Variants in HS3ST5 observed in about 807,000 individuals in gnomAD.
HS3ST5 encodes the protein heparan sulfate-glucosamine 3-sulfotransferase 5.
Under a neutral mutation model 25.4 loss-of-function variants are expected in HS3ST5, and 10 were observed. That is an observed-to-expected ratio of 0.39 (90% CI 0.24 to 0.67). The LOEUF (loss-of-function observed/expected upper bound fraction) is 0.67. Among genes scored for constraint, HS3ST5 ranks in the 30% least tolerant of loss-of-function variants. HS3ST5 has a pLI of 0.44. For missense variants in HS3ST5, 324 were observed against 420.7 expected (o/e 0.77, Z 2.01); for synonymous variants, 170 against 162.4 (o/e 1.05, Z -0.36).
At chr6:114,211,734 T>C (rs1338968705) in intron 2 of HS3ST5, among the ~76,000 whole-genome samples, 1 of 152,210 alleles carries the variant, frequency 6.6e-6, no homozygotes, top group Non-Finnish European at 1.5e-5. Context: ...TTTCCACTTA[T>C]GATACTATAG....
At chr6:114,127,853 T>TAG (rs1471230893) in intron 3 of HS3ST5, among the ~76,000 whole-genome samples, 68 of 147,960 alleles carry the variant, frequency 4.6e-4, no homozygotes, top group East Asian at 2.5e-3. Flanking sequence ...TATATATATA[T>TAG]ATAGAGAGAG....
At chr6:114,301,778 A>G (rs553461176) in intron 1 of HS3ST5, among the ~76,000 whole-genome samples, 6 of 152,124 alleles carry the variant, frequency 3.9e-5, no homozygotes, top group Non-Finnish European at 5.9e-5. Flanking sequence ...GGTTCTCTTC[A>G]GAATGGGACA....
At chr6:114,339,067 T>A (rs1776722542) in intron 1 of HS3ST5, among the ~76,000 whole-genome samples, 1 of 152,122 alleles carries the variant, frequency 6.6e-6, no homozygotes, top group African/African-American at 2.4e-5. Context: ...TACCAAATAA[T>A]AAGTCTTCAC....
intron 1 of HS3ST5, among the ~76,000 whole-genome samples, chr6:114,286,979 G>C (rs9387201): frequency 0.07 from 10,684 of 152,002 alleles, 529 homozygotes; most frequent in Middle Eastern, 0.16. Context: ...GAATGGTACA[G>C]AGTAGTTTCT....
intron 3 of HS3ST5, among the ~76,000 whole-genome samples, chr6:114,141,778 T>A (rs1008119780): frequency 6.6e-6 from 1 of 152,120 alleles, no homozygotes; most frequent in Non-Finnish European, 1.5e-5. Flanking sequence ...GCTCCTGTCC[T>A]ACAGACATGG....
intron 1 of HS3ST5, among the ~76,000 whole-genome samples, chr6:114,291,886 A>G (rs1431968848): frequency 6.6e-6 from 1 of 152,202 alleles, no homozygotes; most frequent in Non-Finnish European, 1.5e-5. Flanking sequence ...CAACACGGAC[A>G]TTATAGAGTT....
chr6:114,117,791 C>T (rs1776603020), intron 3 of HS3ST5, among the ~76,000 whole-genome samples: 1 of 152,150 alleles, frequency 6.6e-6, no homozygotes, highest in Non-Finnish European at 1.5e-5. Flanking sequence ...ATTGGGAATT[C>T]AGAAATAGAC....
intron 3 of HS3ST5, among the ~76,000 whole-genome samples, chr6:114,135,428 G>C (rs915632210): frequency 1.3e-5 from 2 of 152,180 alleles, no homozygotes; most frequent in African/African-American, 4.8e-5. Context: ...CCAAGAGGTA[G>C]ATGAGGATGT....
intron 3 of HS3ST5, among the ~76,000 whole-genome samples, chr6:114,137,389 T>C (rs1263241898): frequency 6.6e-6 from 1 of 152,206 alleles, no homozygotes; most frequent in Non-Finnish European, 1.5e-5. Context: ...ATCACAGGGA[T>C]GTAAGATCTT....
chr6:114,269,216 T>G (rs544303826), intron 1 of HS3ST5, among the ~76,000 whole-genome samples: 8 of 152,330 alleles, frequency 5.3e-5, no homozygotes, highest in African/African-American at 1.9e-4. Context: ...GAGTTATCTT[T>G]CCATTTTGTG....
intron 2 of HS3ST5, among the ~76,000 whole-genome samples, chr6:114,224,175 G>T (rs1782173466): frequency 6.6e-6 from 1 of 151,358 alleles, no homozygotes; most frequent in South Asian, 2.1e-4. Context: ...TCAAAGTTTT[G>T]AATTAGCTTC....
chr6:114,340,077 TAAG>T (rs1365483209), intron 1 of HS3ST5, among the ~76,000 whole-genome samples: 1 of 152,180 alleles, frequency 6.6e-6, no homozygotes, highest in African/African-American at 2.4e-5. Flanking sequence ...ATTCAGTGAG[TAAG>T]AAGGTTATTC....
intron 1 of HS3ST5, among the ~76,000 whole-genome samples, chr6:114,269,666 A>G (rs575898507): frequency 6.6e-6 from 1 of 152,184 alleles, no homozygotes; most frequent in African/African-American, 2.4e-5. Flanking sequence ...TTAAATAATA[A>G]TGAAATATAC....
chr6:114,232,055 C>A (rs1771620283), intron 1 of HS3ST5, among the ~76,000 whole-genome samples: 1 of 152,128 alleles, frequency 6.6e-6, no homozygotes, highest in African/African-American at 2.4e-5. Flanking sequence ...ACATTACTTT[C>A]AATTAAAAAT....
intron 2 of HS3ST5, among the ~76,000 whole-genome samples, chr6:114,207,223 G>A (rs760899616): frequency 3.3e-5 from 5 of 152,150 alleles, no homozygotes; most frequent in Non-Finnish European, 7.4e-5. Context: ...AAATTTAGCT[G>A]TATAAGCTGC....
intron 3 of HS3ST5, among the ~76,000 whole-genome samples, chr6:114,161,484 C>G (rs1778943330): frequency 8.7e-6 from 1 of 114,842 alleles, no homozygotes; most frequent in African/African-American, 3.3e-5. Flanking sequence ...AAAACAGCAT[C>G]TAAGTAATTC....
chr6:114,118,840 A>T (rs1255451076), intron 3 of HS3ST5, among the ~76,000 whole-genome samples: 1 of 152,192 alleles, frequency 6.6e-6, no homozygotes, highest in Non-Finnish European at 1.5e-5. Context: ...GAGCTTTAAC[A>T]GTTGGTGTGA....
intron 2 of HS3ST5, among the ~76,000 whole-genome samples, chr6:114,174,686 C>T (rs1779639010): frequency 6.6e-6 from 1 of 152,076 alleles, no homozygotes; most frequent in South Asian, 2.1e-4. Flanking sequence ...TTTTCTCATA[C>T]CACCTATCTC....
intron 2 of HS3ST5, among the ~76,000 whole-genome samples, chr6:114,184,517 C>G (rs183393146): frequency 2.0e-5 from 3 of 152,312 alleles, no homozygotes. Flanking sequence ...AGGAAGGCAT[C>G]AGACTTCTGG....
Sources: allele counts gnomAD v4.1 joint callset (sites outside exome capture counted in the v4.1 genomes callset), GRCh38; gene constraint gnomAD v4.1.1; transcripts MANE v1.5; gene names NCBI Gene and HGNC (gene_info 2026-07-23, HGNC 2026-07-21).